Variants in DST observed in about 807,000 individuals in gnomAD.
DST encodes dystonin.
A neutral mutation model predicts 875.2 loss-of-function variants in DST; 253 were observed. That is an observed-to-expected ratio of 0.29 (90% confidence interval 0.26 to 0.32). The LOEUF (loss-of-function observed/expected upper bound fraction) is 0.32, where lower values mean the gene tolerates loss of function less well. Among genes scored for constraint, DST ranks in the 10% least tolerant of loss-of-function variants. The pLI is 1.00. For missense variants in DST, 8,287 were observed against 9,111.6 expected (o/e 0.91, Z 3.68); for synonymous variants, 3,124 against 3,197.1 (o/e 0.98, Z 0.77).
At chr6:56,735,153 C>CTA in intron 5 of DST, 75 bp downstream of exon 5, 1 of 960,702 alleles carries the variant, frequency 1.0e-6, no homozygotes, top group Non-Finnish European at 1.6e-6. Flanking sequence ...TGCTTCAGAG[C>CTA]TATATAATCA....
chr6:56,710,529 C>T (rs139567490), intron 5 of DST, among the ~76,000 whole-genome samples: 6 of 152,126 alleles, frequency 3.9e-5, no homozygotes, highest in African/African-American at 7.2e-5. Flanking sequence ...CAAACAAGTA[C>T]GTTCATAAAA....
chr6:56,880,842 T>A (rs1415012757), intron 3 of DST, among the ~76,000 whole-genome samples: 11 of 119,378 alleles, frequency 9.2e-5, no homozygotes, highest in Admixed American at 9.1e-4. Flanking sequence ...TCTTTCTTTT[T>A]TTTTTTTTTT....
chr6:56,715,265 GAGTT>G (rs2099390894), intron 5 of DST, among the ~76,000 whole-genome samples: 1 of 152,176 alleles, frequency 6.6e-6, no homozygotes, highest in Non-Finnish European at 1.5e-5. Flanking sequence ...GCATCTATCG[GAGTT>G]AGTGCCTGGC....
intron 69 of DST, among the ~76,000 whole-genome samples, chr6:56,523,661 A>C (rs2096746148): frequency 6.6e-6 from 1 of 152,150 alleles, no homozygotes; most frequent in Non-Finnish European, 1.5e-5. Context: ...AAAAAATATG[A>C]AGTATCTTAA....
chr6:56,777,006 G>A (rs2099680477), intron 4 of DST, among the ~76,000 whole-genome samples: 1 of 152,142 alleles, frequency 6.6e-6, no homozygotes, highest in South Asian at 2.1e-4. Context: ...CACAAATACT[G>A]TTTGGTCATC....
chr6:56,839,128 T>G (rs1359234881), intron 4 of DST, among the ~76,000 whole-genome samples: 1 of 152,198 alleles, frequency 6.6e-6, no homozygotes, highest in Non-Finnish European at 1.5e-5. Context: ...GGAACAGCTG[T>G]CCCCTGGAAT....
Position 56,877,587 on chromosome 6 carries a change from G to C in DST, c.417+22834C>G, listed in dbSNP as rs79509622. On this transcript the variant is annotated intron_variant, in intron 3 of 103. Transcript: ENST00000680361. Reference sequence around the variant, plus strand: ...AATATATAAATAAATTTAGTTATTTGTTTTTATTTTTATGGGATCTGTGGC... The same window carrying C: ...AATATATAAATAAATTTAGTTATTTCTTTTTATTTTTATGGGATCTGTGGC... Among the ~76,000 whole-genome samples the C allele has an allele frequency of 9.2e-3, 1,395 of 152,284 alleles. 23 individuals carry two copies. Among genetic ancestry groups the C allele is most frequent in the African/African-American group, 0.031 (1,306 of 41,556 alleles).
intron 61 of DST, among the ~76,000 whole-genome samples, chr6:56,544,157 C>A (rs1395520232): frequency 1.3e-5 from 2 of 152,186 alleles, no homozygotes; most frequent in African/African-American, 2.4e-5. Flanking sequence ...CTCATACTTA[C>A]CACGCTTGAA....
chr6:56,705,990 C>T (rs573045219), intron 5 of DST, among the ~76,000 whole-genome samples: 2 of 152,274 alleles, frequency 1.3e-5, no homozygotes, highest in African/African-American at 4.8e-5. Context: ...TGTTATAACA[C>T]ATTTTGAGCA....
At position 56,463,682 on chromosome 6, in the gene DST, G is replaced by A. The variant is rs763551194; in HGVS notation, c.22842C>T (p.Pro7614=). Residue 7614 remains proline, a synonymous_variant, in exon 101 of 104, where the codon CCC becomes CCT. Coordinates refer to ENST00000680361, the MANE Select transcript of DST (RefSeq NM_001374736.1). ...ATGATGGCCGGGATCTTCGGCCTCG[G>A]GGTCGGAAAGCAGCCATACCCTGGC... The part of the protein sequence containing the change: ...GASQGMAAFR[P]RGRRSRPSSR... 3 of 1,614,000 alleles carry A rather than the reference G, an allele frequency of 1.9e-6. No homozygotes were observed. Among genetic ancestry groups the A allele is most frequent in the East Asian group, 2.2e-5 (1 of 44,874 alleles).
chr6:56,939,586 C>T, intron 2 of DST, among the ~76,000 whole-genome samples: 1 of 152,070 alleles, frequency 6.6e-6, no homozygotes, highest in East Asian at 1.9e-4. Context: ...AGAAAGTTCC[C>T]CTTATATCTA....
At chr6:56,847,534 C>G (rs1197696916) in intron 4 of DST, among the ~76,000 whole-genome samples, 1 of 152,148 alleles carries the variant, frequency 6.6e-6, no homozygotes, top group East Asian at 1.9e-4. Context: ...CTTCCAAATC[C>G]CACACTTAGC....
chr6:56,633,075 A>T (rs1206595706), intron 27 of DST, 38 bp from the exon 28 acceptor site: 1 of 1,576,250 alleles, frequency 6.3e-7, no homozygotes, highest in Non-Finnish European at 8.7e-7. Context: ...TCATTCTATT[A>T]CTCATAGATT....
chr6:56,924,454 A>G (rs1300166720), intron 2 of DST, among the ~76,000 whole-genome samples: 2 of 152,188 alleles, frequency 1.3e-5, no homozygotes, highest in Non-Finnish European at 2.9e-5. Flanking sequence ...GTTTATCTGT[A>G]TGTATATACA....
In DST at chr6:56,801,747, A is replaced by ATTT. The variant is rs200681543; in HGVS notation, c.625+49647_625+49649dup. Among the ~76,000 whole-genome samples the ATTT allele has an allele frequency of 2.0e-3, 268 of 132,380 alleles. 4 individuals are homozygous for ATTT. The highest frequency in any genetic ancestry group is 3.6e-3 in the African/African-American group (127 of 35,558). 86.8% of individuals were successfully genotyped at this position (132,380 alleles called of 152,430 possible). A position where few individuals can be genotyped will look rare whatever the true frequency, so the allele number is the denominator to read the frequency against. The stretch of plus-strand genomic sequence containing the variant: ...TCTTACTAATACAAGTCACACAATA[A>ATTT]TTTTTTTTTTTTTTTTTTTTGAGAT... On this transcript the variant is annotated intron_variant, in intron 4 of 103. Coordinates refer to ENST00000680361, the MANE Select transcript of DST (RefSeq NM_001374736.1).
intron 93 of DST, 121 bp downstream of exon 93, chr6:56,473,752 T>A: frequency 1.1e-6 from 1 of 910,856 alleles, no homozygotes; most frequent in Non-Finnish European, 1.7e-6. Context: ...CTAGAAAGTA[T>A]TTCATGATAT....
At chr6:56,791,658 G>A (rs956783985) in intron 4 of DST, among the ~76,000 whole-genome samples, 9 of 151,754 alleles carry the variant, frequency 5.9e-5, no homozygotes, top group African/African-American at 2.2e-4. Flanking sequence ...GGTGGCACAT[G>A]TCTGTGGTCC....
intron 93 of DST, 113 bp from the exon 94 acceptor site, chr6:56,472,335 G>A (rs200893571): frequency 1.7e-5 from 9 of 516,384 alleles, no homozygotes; most frequent in Non-Finnish European, 2.1e-5. Context: ...ACGTGTTTAC[G>A]CAAGTAAAAG....
intron 2 of DST, among the ~76,000 whole-genome samples, chr6:56,913,495 T>C (rs1461545412): frequency 6.6e-6 from 1 of 152,192 alleles, no homozygotes; most frequent in Non-Finnish European, 1.5e-5. Context: ...GTCCATTCAT[T>C]TACATATTGT....
Sources: allele counts gnomAD v4.1 joint callset (sites outside exome capture counted in the v4.1 genomes callset), GRCh38; gene constraint gnomAD v4.1.1; transcripts MANE v1.5; gene names NCBI Gene and HGNC (gene_info 2026-07-23, HGNC 2026-07-21).